Variants in MAP6 observed in about 807,000 individuals in gnomAD.
MAP6 encodes microtubule associated protein 6.
In MAP6, 26 loss-of-function variants were observed where a neutral mutation model predicts 42.4. The observed-to-expected ratio is 0.61, with a 90% CI of 0.45 to 0.85. MAP6 has a LOEUF of 0.85. Ranked by LOEUF, MAP6 falls within the 40% of genes least tolerant of loss-of-function variation. The pLI, the probability that MAP6 is intolerant of heterozygous loss-of-function variation, is 0.00. For missense variants in MAP6, 966 were observed against 1,099.0 expected (o/e 0.88, Z 1.71); for synonymous variants, 418 against 443.8 (o/e 0.94, Z 0.73).
intron 1 of MAP6, among the ~76,000 whole-genome samples, chr11:75,653,338 G>C (rs1943682064): frequency 6.6e-6 from 1 of 152,154 alleles, no homozygotes. Flanking sequence ...GGAGTCCTTG[G>C]GGCCCCTGGG....
intron 1 of MAP6, among the ~76,000 whole-genome samples, chr11:75,646,750 A>C (rs1943560605): frequency 6.6e-6 from 1 of 152,066 alleles, no homozygotes; most frequent in African/African-American, 2.4e-5. Flanking sequence ...AGGTGAGCCG[A>C]GATGGCACCA....
rs1371395378 is a variant in MAP6, at chr11:75,588,242, G to A, written c.1317-58C>T. On this transcript the variant is annotated intron_variant, in intron 3 of 3. Coordinates refer to ENST00000304771, the MANE Select transcript of MAP6 (RefSeq NM_033063.2). ...GTAGAGCTCAGGCAGGGACAGGGCA[G>A]AGTACAGATTGCCTAATAAGTCTTG... The A allele has an allele frequency of 2.7e-6, 4 of 1,499,418 alleles. No homozygotes were observed. The East Asian group carries it at 9.1e-5, about 34-fold the overall frequency. The allele number at this position is 1,499,418 out of a possible 1,614,324, so 92.9% of individuals were successfully genotyped here. A position where few individuals can be genotyped will look rare whatever the true frequency, so the allele number is the denominator to read the frequency against.
At chr11:75,635,404 C>A (rs188139339) in intron 1 of MAP6, among the ~76,000 whole-genome samples, 1 of 152,226 alleles carries the variant, frequency 6.6e-6, no homozygotes, top group Non-Finnish European at 1.5e-5. Context: ...ACAAAGTGTT[C>A]GTCTCCTTAA....
rs890645739 is a variant in MAP6, at chr11:75,667,704, C to A, written c.666G>T (p.Ala222=). The change falls in exon 1 of 4, where the codon GCG becomes GCT. Residue 222 remains alanine (A), a synonymous_variant. Transcript: ENST00000304771. This position sits in a 1 kb window ranked among gnomAD's most constrained non-coding sequence, Gnocchi z 5.6. ...ACGCCTTTCCGGCCGCCAGGCCACCCGCTCCGCCGGGGGCCGCCTCCTGCT... is the reference window on the plus strand; with the variant it reads ...ACGCCTTTCCGGCCGCCAGGCCACCAGCTCCGCCGGGGGCCGCCTCCTGCT... The part of the protein sequence containing the change: ...AREQEAAPGG[A]GGLAAGKASG... 4.7e-6 allele frequency: 6 copies of A among 1,283,426 alleles called. No individual in the cohort carries two copies. Among genetic ancestry groups the A allele is most frequent in the Non-Finnish European group, 5.9e-6 (6 of 1,018,906 alleles). 79.5% of individuals were successfully genotyped at this position (1,283,426 alleles called of 1,614,324 possible). A position where few individuals can be genotyped will look rare whatever the true frequency, so the allele number is the denominator to read the frequency against.
chr11:75,615,748 C>T (rs1590771986), intron 1 of MAP6, among the ~76,000 whole-genome samples: 1 of 152,190 alleles, frequency 6.6e-6, no homozygotes, highest in Non-Finnish European at 1.5e-5. Flanking sequence ...TCAATGAATG[C>T]CTGATTAATT....
chr11:75,622,587 A>T (rs1030482424), intron 1 of MAP6, among the ~76,000 whole-genome samples: 1 of 152,266 alleles, frequency 6.6e-6, no homozygotes, highest in African/African-American at 2.4e-5. Flanking sequence ...GAAGCAACTA[A>T]TATCAAAATC....
intron 1 of MAP6, among the ~76,000 whole-genome samples, chr11:75,620,868 C>T (rs971000852): frequency 1.1e-4 from 17 of 152,156 alleles, no homozygotes; most frequent in African/African-American, 3.6e-4. Flanking sequence ...CGGTGGCTCA[C>T]GCCTGTAATC....
At chr11:75,643,825 T>C (rs1017517861) in intron 1 of MAP6, among the ~76,000 whole-genome samples, 7 of 152,054 alleles carry the variant, frequency 4.6e-5, no homozygotes, top group African/African-American at 1.7e-4. Flanking sequence ...TCAGAGAAGG[T>C]AAAGAGCTCC....
intron 1 of MAP6, among the ~76,000 whole-genome samples, chr11:75,654,848 T>G (rs556949227): frequency 2.8e-4 from 42 of 152,268 alleles, no homozygotes; most frequent in African/African-American, 1.0e-3. Context: ...CACACAGACT[T>G]TAAGTTAAGA....
chr11:75,628,468 C>T (rs1382269758), intron 1 of MAP6, among the ~76,000 whole-genome samples: 1 of 152,184 alleles, frequency 6.6e-6, no homozygotes, highest in African/African-American at 2.4e-5. Flanking sequence ...GAGCTTGCCT[C>T]CTCCCCGCCC....
chr11:75,660,442 C>T (rs1943824965), intron 1 of MAP6, among the ~76,000 whole-genome samples: 1 of 152,134 alleles, frequency 6.6e-6, no homozygotes, highest in Non-Finnish European at 1.5e-5. Flanking sequence ...TGACTTTTTT[C>T]CCCCTCTATT....
At position 75,667,576 on chromosome 11, in the gene MAP6, T is replaced by G. The variant is rs957279909; in HGVS notation, c.794A>C (p.Gln265Pro). The G allele has an allele frequency of 7.0e-6, 10 of 1,419,368 alleles. No homozygotes were observed. The Admixed American group carries it at 2.2e-4, about 31-fold the overall frequency. 87.9% of individuals were successfully genotyped at this position (1,419,368 alleles called of 1,614,324 possible). ...GGGGCCGGTGGCCTGGACCTGGGCC[T>G]GGGCCGCGGGCAGCGGCGTCTGCTC... ...GHEQTPLPAA[Q>P]AQVQATGPEA... The change falls in exon 1 of 4, where the codon CAG becomes CCG. Residue 265 changes from glutamine (Q) to proline (P), a missense_variant. This residue lies in a region of MAP6 where 943 missense variants were observed against 1,049.9 expected (regional missense o/e 0.90). Transcript: ENST00000304771. The surrounding 1 kb of genome is among the most constrained non-coding windows in gnomAD (Gnocchi z 5.6).
At chr11:75,608,645 C>A (rs902130576) in intron 1 of MAP6, among the ~76,000 whole-genome samples, 2 of 152,176 alleles carry the variant, frequency 1.3e-5, no homozygotes, top group African/African-American at 4.8e-5. Flanking sequence ...ACTGAAAAAA[C>A]CCAACCCATT....
intron 3 of MAP6, among the ~76,000 whole-genome samples, chr11:75,588,830 C>T (rs1439202182): frequency 6.6e-6 from 1 of 152,196 alleles, no homozygotes; most frequent in Non-Finnish European, 1.5e-5. Flanking sequence ...TAATAAAAAG[C>T]AGGCCAGCTA....
intron 1 of MAP6, 50 bp from the exon 2 acceptor site, chr11:75,608,372 G>A (rs771612503): frequency 6.8e-7 from 1 of 1,469,910 alleles, no homozygotes; most frequent in Non-Finnish European, 9.5e-7. Flanking sequence ...CTGCCTGGAA[G>A]CAGAGCTCCT....
intron 1 of MAP6, among the ~76,000 whole-genome samples, chr11:75,641,727 T>A (rs1345070656): frequency 6.6e-6 from 1 of 152,240 alleles, no homozygotes; most frequent in Non-Finnish European, 1.5e-5. Context: ...GCATTTCTGT[T>A]AAGCTTCCAG....
At chr11:75,595,622 C>T (rs889483220) in intron 3 of MAP6, among the ~76,000 whole-genome samples, 5 of 152,194 alleles carry the variant, frequency 3.3e-5, no homozygotes, top group African/African-American at 1.2e-4. Flanking sequence ...CACCACCCCT[C>T]GCCATCCACT....
intron 1 of MAP6, among the ~76,000 whole-genome samples, chr11:75,664,265 A>G (rs1436367164): frequency 6.6e-6 from 1 of 152,260 alleles, no homozygotes; most frequent in Non-Finnish European, 1.5e-5. Context: ...CCTGGATACT[A>G]CTTGAATGCA....
At chr11:75,616,205 A>G (rs921612218) in intron 1 of MAP6, among the ~76,000 whole-genome samples, 4 of 152,156 alleles carry the variant, frequency 2.6e-5, no homozygotes, top group Admixed American at 1.3e-4. Context: ...CAAAAATTCA[A>G]TTTTTCTGTT....
Sources: allele counts gnomAD v4.1 joint callset (sites outside exome capture counted in the v4.1 genomes callset), GRCh38; gene constraint gnomAD v4.1.1; regional missense constraint gnomAD v4.1.1; non-coding constraint Gnocchi (gnomAD v3.1); transcripts MANE v1.5; gene names NCBI Gene and HGNC (gene_info 2026-07-23, HGNC 2026-07-21).